The following SNX18 variants were observed in gnomAD, a reference collection of about 807,000 sequenced individuals.
SNX18 encodes the protein sorting nexin 18.
Under a neutral mutation model 48.7 loss-of-function variants are expected in SNX18, and 35 were observed. That is an observed-to-expected ratio of 0.72 (90% CI 0.55 to 0.95). SNX18 has a LOEUF of 0.95. SNX18 is among the 40% of genes least tolerant of loss of function. The pLI is 0.00. For synonymous variants in SNX18, 492 were observed against 384.7 expected, an observed-to-expected ratio of 1.28 and a Z score of -3.26; for missense variants, 824 against 871.0, an observed-to-expected ratio of 0.95 and a Z score of 0.68.
chr5:54,529,359 C>T (rs1762210116), intron 1 of SNX18, among the ~76,000 whole-genome samples: 1 of 152,162 alleles, frequency 6.6e-6, no homozygotes. Context: ...CAGATTCACC[C>T]AGGCGCCTGT....
chr5:54,576,735 A>G, the SNX18 span, among the ~76,000 whole-genome samples: 6 of 152,172 alleles, frequency 3.9e-5, no homozygotes, highest in Admixed American at 3.9e-4. Flanking sequence ...AGAAACCTTG[A>G]AGGCCTGGCG....
At chr5:54,639,831 G>A in the SNX18 span, among the ~76,000 whole-genome samples, 1 of 152,170 alleles carries the variant, frequency 6.6e-6, no homozygotes, top group Non-Finnish European at 1.5e-5. Flanking sequence ...TAAGTGATTA[G>A]GCTGACCAAG....
the SNX18 span, among the ~76,000 whole-genome samples, chr5:54,633,637 G>T: frequency 1.3e-5 from 2 of 152,188 alleles, no homozygotes; most frequent in Non-Finnish European, 2.9e-5. Context: ...GGTACTATAG[G>T]TGTATAATGC....
At chr5:54,585,792 A>C in the SNX18 span, among the ~76,000 whole-genome samples, 1 of 152,178 alleles carries the variant, frequency 6.6e-6, no homozygotes, top group East Asian at 1.9e-4. Context: ...TCACGAGGTC[A>C]GGAGATCGAG....
the SNX18 span, among the ~76,000 whole-genome samples, chr5:54,611,526 C>T: frequency 1.3e-5 from 2 of 152,196 alleles, no homozygotes; most frequent in African/African-American, 4.8e-5. Context: ...TCTGGAATGA[C>T]GTTCTAGAAA....
At chr5:54,642,614 T>A in the SNX18 span, among the ~76,000 whole-genome samples, 1 of 152,198 alleles carries the variant, frequency 6.6e-6, no homozygotes, top group East Asian at 1.9e-4. Flanking sequence ...TTGAAAAGGA[T>A]GCAGGTCCAT....
At chr5:54,519,937 C>A in intron 1 of SNX18, 1 of 955,312 alleles carries the variant, frequency 1.0e-6, no homozygotes, top group Non-Finnish European at 1.6e-6. Context: ...TCTGTTTGAA[C>A]ACTGCACTGT....
Position 54,517,761 on chromosome 5 carries a change from T to C in SNX18, c.-192T>C. The C allele has an allele frequency of 2.7e-6, 1 of 375,364 alleles. No homozygotes were observed. The highest frequency in any genetic ancestry group is 1.3e-4 in the South Asian group (1 of 7,760). The allele number at this position is 375,364 out of a possible 1,614,324, so 23.3% of individuals were successfully genotyped here. On this transcript the variant is annotated 5_prime_UTR_variant, in exon 1 of 2. Transcript: ENST00000381410. ...CGGCTGCGGCGGCCCAGCGCGGCAG[T>C]CGGCGCTGCGAAGTGGAGGCGCTGC... is the stretch of plus-strand genomic sequence containing the variant.
chr5:54,628,541 C>T, the SNX18 span, among the ~76,000 whole-genome samples: 1 of 152,196 alleles, frequency 6.6e-6, no homozygotes, highest in African/African-American at 2.4e-5. Flanking sequence ...AACCTCACCA[C>T]CTCAGTCCAT....
chr5:54,539,452 C>T (rs1462848706), intron 1 of SNX18, among the ~76,000 whole-genome samples: 1 of 152,182 alleles, frequency 6.6e-6, no homozygotes, highest in African/African-American at 2.4e-5. Context: ...ATTCTATTCC[C>T]TGCCCTCCAC....
the SNX18 span, among the ~76,000 whole-genome samples, chr5:54,559,598 A>G: frequency 2.0e-5 from 3 of 152,182 alleles, no homozygotes; most frequent in Non-Finnish European, 2.9e-5. Flanking sequence ...TGTAAAACCC[A>G]AAACTCTAAA....
the SNX18 span, among the ~76,000 whole-genome samples, chr5:54,551,653 G>C: frequency 1.3e-5 from 2 of 152,188 alleles, no homozygotes; most frequent in South Asian, 4.1e-4. Context: ...GTCACATAAA[G>C]CGGCAGAGCT....
the SNX18 span, among the ~76,000 whole-genome samples, chr5:54,623,782 C>A: frequency 6.6e-6 from 1 of 152,104 alleles, no homozygotes; most frequent in African/African-American, 2.4e-5. Context: ...ATGGTCTAGG[C>A]ATTTTTGAAG....
chr5:54,642,860 A>T, the SNX18 span, among the ~76,000 whole-genome samples: 1 of 152,172 alleles, frequency 6.6e-6, no homozygotes, highest in East Asian at 1.9e-4. Context: ...CTCAACATAC[A>T]TATTTAATGG....
intron 1 of SNX18, among the ~76,000 whole-genome samples, chr5:54,523,896 C>A (rs1762079731): frequency 6.6e-6 from 1 of 152,214 alleles, no homozygotes; most frequent in Admixed American, 6.5e-5. Context: ...TCCCCATTCT[C>A]CTGTAGCTAA....
At chr5:54,637,976 C>T in the SNX18 span, among the ~76,000 whole-genome samples, 5 of 145,874 alleles carry the variant, frequency 3.4e-5, no homozygotes. Context: ...CAAACTCAAA[C>T]TGCTGGACTG....
chr5:54,531,803 G>A (rs932697407), intron 1 of SNX18, among the ~76,000 whole-genome samples: 3 of 152,162 alleles, frequency 2.0e-5, no homozygotes, highest in Non-Finnish European at 4.4e-5. Flanking sequence ...TGATCGTGAA[G>A]GGATGTGAAG....
chr5:54,541,133 T>A (rs886833048), intron 1 of SNX18, among the ~76,000 whole-genome samples: 15 of 152,138 alleles, frequency 9.9e-5, no homozygotes, highest in African/African-American at 3.6e-4. Flanking sequence ...CTTCAAGCGA[T>A]TCTCCTGCCC....
intron 1 of SNX18, 72 bp downstream of exon 1, chr5:54,519,645 G>A: frequency 6.2e-7 from 1 of 1,614,234 alleles, no homozygotes; most frequent in South Asian, 1.1e-5. Flanking sequence ...TTTGACAGCA[G>A]TACCACTGTG....
Sources: allele counts gnomAD v4.1 joint callset (sites outside exome capture counted in the v4.1 genomes callset), GRCh38; gene constraint gnomAD v4.1.1; transcripts MANE v1.5; gene names NCBI Gene and HGNC (gene_info 2026-07-23, HGNC 2026-07-21).